TTLL6: variants seen among roughly 807,000 people sequenced by gnomAD.
TTLL6 encodes the protein tubulin polyglutamylase TTLL6.
A neutral mutation model predicts 96.4 loss-of-function variants in TTLL6; 75 were observed. The observed-to-expected ratio is 0.78, with a 90% CI of 0.65 to 0.94. The LOEUF (loss-of-function observed/expected upper bound fraction) is 0.94. Among genes scored for constraint, TTLL6 ranks in the 40% least tolerant of loss-of-function variants. TTLL6 has a pLI of 0.00. For synonymous variants in TTLL6, 411 were observed against 419.4 expected (o/e 0.98, Z 0.24); for missense variants, 1,030 against 1,093.0 (o/e 0.94, Z 0.81).
chr17:48,785,697 A>T (rs937083848), intron 12 of TTLL6, among the ~76,000 whole-genome samples: 2 of 152,062 alleles, frequency 1.3e-5, no homozygotes, highest in African/African-American at 4.8e-5. Context: ...ATAGAGGAGG[A>T]GAGACCCAGC....
intron 8 of TTLL6, 27 bp downstream of exon 8, chr17:48,796,034 G>A (rs2039310442): frequency 2.6e-6 from 4 of 1,539,376 alleles, no homozygotes; most frequent in Non-Finnish European, 3.5e-6. Flanking sequence ...GTAGGGAAAG[G>A]AAAGAAAAAT....
intron 15 of TTLL6, among the ~76,000 whole-genome samples, chr17:48,768,339 C>T (rs1183753466): frequency 6.6e-6 from 1 of 152,168 alleles, no homozygotes; most frequent in African/African-American, 2.4e-5. Flanking sequence ...GGCACAATCT[C>T]AGCTCACTGC....
chr17:48,808,401 C>T (rs951491833), intron 1 of TTLL6, among the ~76,000 whole-genome samples: 1 of 133,826 alleles, frequency 7.5e-6, no homozygotes, highest in Non-Finnish European at 1.6e-5. Flanking sequence ...TGTGTGTGCA[C>T]GTGCATAGAT....
intron 1 of TTLL6, among the ~76,000 whole-genome samples, chr17:48,807,988 G>A (rs1358577093): frequency 8.6e-5 from 13 of 152,014 alleles, no homozygotes; most frequent in African/African-American, 2.9e-4. Context: ...ACAGGCGCCC[G>A]CCACCACGCC....
intron 5 of TTLL6, 26 bp from the exon 6 acceptor site, chr17:48,799,786 T>C (rs2039378940): frequency 6.5e-7 from 1 of 1,547,408 alleles, no homozygotes; most frequent in South Asian, 1.2e-5. Context: ...GGGAACAAGA[T>C]ACATCTTTAG....
At chr17:48,766,239 C>A (rs1394005686) in intron 15 of TTLL6, among the ~76,000 whole-genome samples, 2 of 152,172 alleles carry the variant, frequency 1.3e-5, no homozygotes, top group Non-Finnish European at 2.9e-5. Flanking sequence ...CAGTCCCAAT[C>A]TTTGAGGAGC....
chr17:48,804,517 A>T lies in TTLL6; in HGVS notation c.323+255T>A, dbSNP rs1299369370. On this transcript the variant is annotated intron_variant, in intron 2 of 15. Transcript: ENST00000393382. ...ATCTTCTTTTCCTGCTATTTTTTAA[A>T]GGCATCCTAAACACAAATAGAATGA... 6 of 631,434 alleles carry T rather than the reference A, an allele frequency of 9.5e-6. No homozygotes were observed. In the East Asian group the frequency reaches 2.0e-4, roughly 21 times the overall value. 39.1% of individuals were successfully genotyped at this position (631,434 alleles called of 1,614,324 possible).
At position 48,762,875 on chromosome 17, in the gene TTLL6, G is replaced by A. The variant is rs1308918880; in HGVS notation, c.*99C>T. On this transcript the variant is annotated 3_prime_UTR_variant, in exon 16 of 16. Coordinates refer to ENST00000393382, the MANE Select transcript of TTLL6 (RefSeq NM_001130918.3). Reference sequence around the variant, plus strand: ...ATCTAGATGAGCAAACAAAACTTCAGTTGATTCTGTGAACACTGGAGACAC... The same window carrying A: ...ATCTAGATGAGCAAACAAAACTTCAATTGATTCTGTGAACACTGGAGACAC... The A allele has an allele frequency of 2.2e-6, 1 of 453,150 alleles. No individual in the cohort carries two copies. The highest frequency in any genetic ancestry group is 4.4e-6 in the Non-Finnish European group (1 of 226,168). The allele number at this position is 453,150 out of a possible 1,614,324, so 28.1% of individuals were successfully genotyped here.
At chr17:48,802,882 A>G (rs532134615) in intron 3 of TTLL6, among the ~76,000 whole-genome samples, 1 of 150,156 alleles carries the variant, frequency 6.7e-6, no homozygotes, top group East Asian at 2.0e-4. Context: ...AAAAAAATAA[A>G]TAAATGGCCA....
At chr17:48,780,497 A>C (rs906414053) in intron 13 of TTLL6, among the ~76,000 whole-genome samples, 2 of 152,210 alleles carry the variant, frequency 1.3e-5, no homozygotes, top group African/African-American at 4.8e-5. Context: ...ATTGTGGTTT[A>C]AATAAATAAA....
At chr17:48,784,816 G>A in intron 13 of TTLL6, 107 bp downstream of exon 13, 1 of 880,606 alleles carries the variant, frequency 1.1e-6, no homozygotes, top group Admixed American at 2.2e-5. Context: ...CCAAGGCCCA[G>A]GGAGGCTCAG....
At chr17:48,776,666 T>G (rs1360285977) in intron 13 of TTLL6, among the ~76,000 whole-genome samples, 3 of 152,148 alleles carry the variant, frequency 2.0e-5, no homozygotes, top group Non-Finnish European at 2.9e-5. Flanking sequence ...TTAGAGAATA[T>G]CTAAATAAAT....
intron 13 of TTLL6, among the ~76,000 whole-genome samples, chr17:48,770,501 A>G (rs1384079406): frequency 6.8e-6 from 1 of 148,130 alleles, no homozygotes; most frequent in Admixed American, 6.9e-5. Flanking sequence ...AGGTATTATT[A>G]TTGTTGTTGT....
At chr17:48,770,510 G>GTTGTTATTATTATTATTATTATTA (rs1555563118) in intron 13 of TTLL6, among the ~76,000 whole-genome samples, 34 of 147,860 alleles carry the variant, frequency 2.3e-4, no homozygotes, top group Middle Eastern at 3.5e-3. Flanking sequence ...TATTGTTGTT[G>GTTGTTATTATTATTATTATTATTA]TTATTATTAT....
At chr17:48,779,631 T>A (rs923707835) in intron 13 of TTLL6, among the ~76,000 whole-genome samples, 1 of 151,990 alleles carries the variant, frequency 6.6e-6, no homozygotes, top group Non-Finnish European at 1.5e-5. Context: ...GACCATAAAA[T>A]AAACAACCAA....
chr17:48,816,469 A>T (rs188444015), intron 1 of TTLL6, among the ~76,000 whole-genome samples: 1 of 152,290 alleles, frequency 6.6e-6, no homozygotes, highest in East Asian at 1.9e-4. Context: ...AAGCCAGAAG[A>T]GTATTTTTTC....
intron 1 of TTLL6, chr17:48,806,141 G>A (rs890191111): frequency 1.3e-5 from 2 of 151,590 alleles, no homozygotes; most frequent in African/African-American, 4.9e-5. Flanking sequence ...ATATGTGGTG[G>A]TGGGTACCTG....
At chr17:48,783,041 C>T (rs140727758) in intron 13 of TTLL6, among the ~76,000 whole-genome samples, 1 of 152,200 alleles carries the variant, frequency 6.6e-6, no homozygotes, top group East Asian at 1.9e-4. Flanking sequence ...AAGAATAGAA[C>T]AGACAGAATA....
Position 48,787,976 on chromosome 17 carries a change from C to T in TTLL6, c.1424G>A (p.Arg475Gln), listed in dbSNP as rs778668276. 1.6e-5 allele frequency: 26 copies of T among 1,613,890 alleles called. No homozygotes were observed. The highest frequency in any genetic ancestry group is 2.2e-5 in the South Asian group (2 of 91,058). ...EMRIEEAKGF[R>Q]AVQLKKTETY... is the part of the protein sequence containing the mutation. Reference sequence around the variant, plus strand: ...TTCAGTTTTCTTTAACTGCACGGCCCGGAAACCCTTGGCTTCCTCAATCCT... The same window carrying T: ...TTCAGTTTTCTTTAACTGCACGGCCTGGAAACCCTTGGCTTCCTCAATCCT... The change falls in exon 11 of 16, where the codon CGG (arginine) becomes CAG (glutamine). Residue 475 changes from arginine to glutamine, a missense_variant. Transcript: ENST00000393382.
Sources: allele counts gnomAD v4.1 joint callset (sites outside exome capture counted in the v4.1 genomes callset), GRCh38; gene constraint gnomAD v4.1.1; transcripts MANE v1.5; gene names NCBI Gene and HGNC (gene_info 2026-07-23, HGNC 2026-07-21).